The following TEX10 variants were observed in gnomAD, a reference collection of about 807,000 sequenced individuals.
TEX10 encodes the protein testis expressed 10, also known as testis-expressed protein 10.
In TEX10, 24 loss-of-function variants were observed where a neutral mutation model predicts 104.4. The ratio of observed to expected loss-of-function variants is 0.23; its 90% CI spans 0.17 to 0.32. The LOEUF is 0.32. Among genes scored for constraint, TEX10 ranks in the 10% least tolerant of loss-of-function variants. TEX10 has a pLI of 1.00. For missense variants in TEX10, 921 were observed against 1,083.9 expected (o/e 0.85, Z 2.11); for synonymous variants, 396 against 393.4 (o/e 1.01, Z -0.08).
intron 11 of TEX10, among the ~76,000 whole-genome samples, chr9:100,315,350 T>G (rs1480510149): frequency 2.0e-5 from 3 of 152,092 alleles, no homozygotes; most frequent in African/African-American, 7.2e-5. Context: ...GAGACTGGGG[T>G]GTTAAAGCAC....
chr9:100,352,315 G>C, intron 1 of TEX10: 1 of 1,538,284 alleles, frequency 6.5e-7, no homozygotes, highest in Non-Finnish European at 8.8e-7. Flanking sequence ...GTCCCCTTCC[G>C]CTCGCTTAAC....
intron 5 of TEX10, among the ~76,000 whole-genome samples, chr9:100,336,727 T>G (rs1835019472): frequency 6.6e-6 from 1 of 152,196 alleles, no homozygotes; most frequent in South Asian, 2.1e-4. Flanking sequence ...GGAAACATTG[T>G]TTTCCATGAA....
At chr9:100,339,292 CATATATATAT>C (rs1204460890) in intron 5 of TEX10, among the ~76,000 whole-genome samples, 1 of 93,944 alleles carries the variant, frequency 1.1e-5, no homozygotes, top group Non-Finnish European at 2.1e-5. Flanking sequence ...TATATATATA[CATATATATAT>C]ACACATATTT....
chr9:100,337,127 C>A (rs1449752137), intron 5 of TEX10, among the ~76,000 whole-genome samples: 1 of 152,202 alleles, frequency 6.6e-6, no homozygotes, highest in Non-Finnish European at 1.5e-5. Flanking sequence ...TCTTCCTTCA[C>A]TATATCTATC....
intron 1 of TEX10, among the ~76,000 whole-genome samples, chr9:100,350,011 TC>T (rs1835402561): frequency 6.6e-6 from 1 of 151,618 alleles, no homozygotes; most frequent in African/African-American, 2.4e-5. Context: ...AAAACAGTAT[TC>T]CCCCTTGGTC....
At chr9:100,338,758 G>T (rs1358793711) in intron 5 of TEX10, among the ~76,000 whole-genome samples, 1 of 151,980 alleles carries the variant, frequency 6.6e-6, no homozygotes, top group East Asian at 1.9e-4. Context: ...CAGGCGTGGT[G>T]GTGCATGCCT....
intron 11 of TEX10, among the ~76,000 whole-genome samples, chr9:100,318,279 A>G (rs1834470967): frequency 6.6e-6 from 1 of 152,280 alleles, no homozygotes; most frequent in Non-Finnish European, 1.5e-5. Flanking sequence ...AATACTATTT[A>G]GCCATAGAAA....
chr9:100,352,621 G>C, intron 1 of TEX10, 151 bp downstream of exon 1: 1 of 1,468,150 alleles, frequency 6.8e-7, no homozygotes, highest in South Asian at 1.4e-5. Context: ...CCCAGGCCCA[G>C]CTCGGAGGGA....
chr9:100,325,541 T>G (rs1003181595), intron 9 of TEX10, among the ~76,000 whole-genome samples: 4 of 151,952 alleles, frequency 2.6e-5, no homozygotes, highest in Non-Finnish European at 5.9e-5. Flanking sequence ...TAAAACTTTC[T>G]TTTTTTTGAG....
chr9:100,348,969 T>C (rs1835371387), intron 2 of TEX10, among the ~76,000 whole-genome samples: 1 of 152,104 alleles, frequency 6.6e-6, no homozygotes, highest in Non-Finnish European at 1.5e-5. Flanking sequence ...GAGAAACAAC[T>C]GTGCATTTAG....
Position 100,303,617 on chromosome 9 carries a change from T to A in TEX10, c.2676+15A>T. On this transcript the variant is annotated intron_variant, in intron 14 of 14. Coordinates refer to ENST00000374902, the MANE Select transcript of TEX10 (RefSeq NM_017746.4). ...TATGCTAATACTGCAAAGCCTCCGG[T>A]ACCATGCTTCTTACCGTGATATTCT... 6.2e-7 allele frequency: 1 copy of A among 1,613,620 alleles called. No homozygotes were observed. Among genetic ancestry groups the A allele is most frequent in the Non-Finnish European group, 8.5e-7 (1 of 1,179,740 alleles).
At chr9:100,348,417 T>TA (rs1323596856) in intron 2 of TEX10, among the ~76,000 whole-genome samples, 1 of 152,230 alleles carries the variant, frequency 6.6e-6, no homozygotes, top group Admixed American at 6.5e-5. Context: ...TAATTATGTG[T>TA]AAATTATATC....
intron 1 of TEX10, 124 bp downstream of exon 1, chr9:100,352,648 C>T: frequency 7.0e-7 from 1 of 1,434,640 alleles, no homozygotes; most frequent in African/African-American, 1.4e-5. Context: ...GGCCCAGACC[C>T]GGGGGACGCA....
Position 100,322,075 on chromosome 9 carries a change from G to C in TEX10, c.1980-304C>G, listed in dbSNP as rs1383121970. Among the ~76,000 whole-genome samples the C allele has an allele frequency of 1.3e-5, 2 of 152,168 alleles. 1 individual carries two copies. Among genetic ancestry groups the C allele is most frequent in the Middle Eastern group, 6.3e-3 (2 of 316 alleles). On this transcript the variant is annotated intron_variant, in intron 9 of 14. Transcript: ENST00000374902. The stretch of plus-strand genomic sequence containing the variant: ...TCAGACTCTAAGGAGCCAAGATGAA[G>C]TTTTGCTTTTCAGTAGTAGGTTCAG...
intron 14 of TEX10, among the ~76,000 whole-genome samples, chr9:100,303,272 G>GAA (rs1254158515): frequency 6.6e-6 from 1 of 152,068 alleles, no homozygotes; most frequent in South Asian, 2.1e-4. Context: ...AAGAAAGAAA[G>GAA]AAAAAAACTT....
intron 8 of TEX10, among the ~76,000 whole-genome samples, chr9:100,327,482 A>T (rs901599506): frequency 1.3e-5 from 2 of 151,684 alleles, no homozygotes; most frequent in Admixed American, 6.6e-5. Flanking sequence ...AGTAATAAAG[A>T]TATGTCTTGC....
chr9:100,343,313 TAAA>T (rs1351045552), intron 4 of TEX10, among the ~76,000 whole-genome samples: 9 of 66,874 alleles, frequency 1.3e-4, no homozygotes, highest in Non-Finnish European at 1.8e-4. Flanking sequence ...GACTTTAAAA[TAAA>T]AAAGATAGGT....
chr9:100,315,696 T>C (rs951356010), intron 11 of TEX10, among the ~76,000 whole-genome samples: 8 of 152,200 alleles, frequency 5.3e-5, no homozygotes, highest in Admixed American at 1.3e-4. Context: ...TTTTTTTGTT[T>C]TTTCCTTTCA....
chr9:100,316,296 C>T (rs143493341), intron 11 of TEX10, among the ~76,000 whole-genome samples: 229 of 152,148 alleles, frequency 1.5e-3, no homozygotes, highest in African/African-American at 5.3e-3. Context: ...TCAAAAGACA[C>T]AAAAAATGCA....
Sources: allele counts gnomAD v4.1 joint callset (sites outside exome capture counted in the v4.1 genomes callset), GRCh38; gene constraint gnomAD v4.1.1; transcripts MANE v1.5; gene names NCBI Gene and HGNC (gene_info 2026-07-23, HGNC 2026-07-21).